AFTPH: variants seen among roughly 807,000 people sequenced by gnomAD.
AFTPH encodes aftiphilin protein.
Under a neutral mutation model 72.5 loss-of-function variants are expected in AFTPH, and 7 were observed. The ratio of observed to expected loss-of-function variants is 0.10; its 90% CI spans 0.05 to 0.18. AFTPH has a LOEUF of 0.18. Among genes scored for constraint, AFTPH ranks in the 10% least tolerant of loss-of-function variants. The pLI is 1.00. For synonymous variants in AFTPH, 337 were observed against 370.1 expected (o/e 0.91, Z 1.03); for missense variants, 979 against 1,060.5 (o/e 0.92, Z 1.07).
intron 8 of AFTPH, among the ~76,000 whole-genome samples, chr2:64,586,942 T>A (rs1458520228): frequency 1.3e-5 from 2 of 152,268 alleles, no homozygotes; most frequent in Non-Finnish European, 2.9e-5. Flanking sequence ...TTCCCCCTGC[T>A]ATTTTTAGGA....
intron 8 of AFTPH, among the ~76,000 whole-genome samples, chr2:64,588,478 C>CT (rs1280245483): frequency 1.3e-5 from 2 of 152,144 alleles, no homozygotes; most frequent in Admixed American, 6.5e-5. Context: ...TATAGGAACT[C>CT]TAACTTCTTT....
chr2:64,591,282 T>C (rs547676869), intron 8 of AFTPH, among the ~76,000 whole-genome samples: 5 of 152,348 alleles, frequency 3.3e-5, no homozygotes, highest in African/African-American at 9.6e-5. Flanking sequence ...GTCCTGCCTG[T>C]GTACGTGCAT....
chr2:64,565,497 T>C (rs58518527), intron 2 of AFTPH, among the ~76,000 whole-genome samples: 13,510 of 140,136 alleles, frequency 0.096, 1,745 homozygotes, highest in African/African-American at 0.29. Context: ...AAAAAAAGCC[T>C]TTGTTCATTC....
chr2:64,582,815 A>T (rs1673289338), intron 7 of AFTPH, among the ~76,000 whole-genome samples: 1 of 152,182 alleles, frequency 6.6e-6, no homozygotes, highest in African/African-American at 2.4e-5. Context: ...TTACATTTCA[A>T]ACTCATTTAA....
intron 6 of AFTPH, among the ~76,000 whole-genome samples, chr2:64,578,390 CAAAAG>C (rs1355639482): frequency 2.6e-5 from 4 of 151,890 alleles, no homozygotes; most frequent in African/African-American, 4.8e-5. Flanking sequence ...ACACCATCCC[CAAAAG>C]AAAAGAAAAA....
intron 1 of AFTPH, among the ~76,000 whole-genome samples, chr2:64,540,046 G>T (rs1156764735): frequency 6.6e-6 from 1 of 152,174 alleles, no homozygotes; most frequent in South Asian, 2.1e-4. Context: ...CAGTTGAGAA[G>T]AAAAACAGAA....
At chr2:64,582,309 G>A (rs1189101994) in intron 7 of AFTPH, among the ~76,000 whole-genome samples, 1 of 152,224 alleles carries the variant, frequency 6.6e-6, no homozygotes, top group African/African-American at 2.4e-5. Context: ...ATGGGCTGTG[G>A]ATGGGGGAGA....
chr2:64,591,038 C>T lies in AFTPH; in HGVS notation c.2580-847C>T, dbSNP rs141930181. Among the ~76,000 whole-genome samples, 969 of 152,288 alleles carry T rather than the reference C, an allele frequency of 6.4e-3. 15 individuals are homozygous for T. The highest frequency in any genetic ancestry group is 0.022 in the African/African-American group (923 of 41,552). ...CTAAAGCGAATAATATGTATAACTA[C>T]TCCTTTAATATATTTAATATCCCAG... is the stretch of plus-strand genomic sequence containing the variant. On this transcript the variant is annotated intron_variant, in intron 8 of 8. Coordinates refer to ENST00000238856, the Ensembl canonical transcript of AFTPH.
chr2:64,572,238 G>T lies in AFTPH; in HGVS notation c.2272-708G>T, dbSNP rs559605395. On this transcript the variant is annotated intron_variant, in intron 5 of 8. Coordinates refer to ENST00000238856, the Ensembl canonical transcript of AFTPH. ...TCTGTCTCAAAAAAAAAAAAAAAAGGTGTATTAGATTTGTAACAAACCCTG... is the reference window on the plus strand; with the variant it reads ...TCTGTCTCAAAAAAAAAAAAAAAAGTTGTATTAGATTTGTAACAAACCCTG... Among the ~76,000 whole-genome samples, 12 of 136,048 alleles carry T rather than the reference G, an allele frequency of 8.8e-5. No homozygotes were observed. The South Asian group carries it at 2.2e-3, about 24-fold the overall frequency. 89.3% of individuals were successfully genotyped at this position (136,048 alleles called of 152,430 possible).
At chr2:64,572,201 C>T (rs111905890) in intron 5 of AFTPH, among the ~76,000 whole-genome samples, 3,261 of 137,822 alleles carry the variant, frequency 0.024, 53 homozygotes, top group Non-Finnish European at 0.035. Context: ...TCCTGGGCAA[C>T]AGGAGCAAAA....
chr2:64,591,077 T>C (rs1288064269), intron 8 of AFTPH, among the ~76,000 whole-genome samples: 2 of 152,252 alleles, frequency 1.3e-5, no homozygotes, highest in African/African-American at 4.8e-5. Flanking sequence ...AAGTTTGAAT[T>C]GCAATCATGT....
chr2:64,527,521 A>G (rs1283695753), intron 1 of AFTPH, among the ~76,000 whole-genome samples: 1 of 151,864 alleles, frequency 6.6e-6, no homozygotes, highest in Non-Finnish European at 1.5e-5. Flanking sequence ...CGGAGGTTGC[A>G]GTGAGCTGAG....
In AFTPH at chr2:64,585,417, A is replaced by AT; in HGVS notation, c.2456-4dup. On this transcript the variant is annotated splice_polypyrimidine_tract_variant and splice_region_variant and intron_variant, in intron 7 of 8. Transcript: ENST00000238856. The stretch of plus-strand genomic sequence containing the variant: ...CCATCACTGACTATCATTTTATACT[A>AT]TAAGGTGTGGATCCGGAGTTGTATG... The AT allele has an allele frequency of 6.2e-7, 1 of 1,613,512 alleles. No homozygotes were observed. The highest frequency in any genetic ancestry group is 2.2e-5 in the East Asian group (1 of 44,868).
chr2:64,534,153 T>A (rs1317285621), intron 1 of AFTPH, among the ~76,000 whole-genome samples: 4 of 152,210 alleles, frequency 2.6e-5, no homozygotes, highest in Non-Finnish European at 5.9e-5. Context: ...TCTCTCATCT[T>A]GTTTATTATG....
chr2:64,572,478 TTTAG>T (rs1463044721), intron 5 of AFTPH, among the ~76,000 whole-genome samples: 1 of 152,162 alleles, frequency 6.6e-6, no homozygotes, highest in Non-Finnish European at 1.5e-5. Context: ...TTCTTACAAT[TTTAG>T]TGTCATTAGT....
At chr2:64,545,187 TAGTTCTTTGAA>T (rs1670500208) in intron 1 of AFTPH, among the ~76,000 whole-genome samples, 1 of 151,972 alleles carries the variant, frequency 6.6e-6, no homozygotes, top group South Asian at 2.1e-4. Context: ...CCATCACACA[TAGTTCTTTGAA>T]AGTAAGGTAT....
In AFTPH at chr2:64,560,460, T is replaced by C. The variant is rs546877891; in HGVS notation, c.1935+7051T>C. Among the ~76,000 whole-genome samples the C allele has an allele frequency of 2.0e-5, 3 of 152,068 alleles. No homozygotes were observed. In the South Asian group the frequency reaches 6.2e-4, roughly 32 times the overall value. On this transcript the variant is annotated intron_variant, in intron 2 of 8. Transcript: ENST00000238856. ...AATGAATATACAAGAAATGAGAAAATTGGGAAAGAGGGAAAAGCTAAAAAA... is the reference window on the plus strand; with the variant it reads ...AATGAATATACAAGAAATGAGAAAACTGGGAAAGAGGGAAAAGCTAAAAAA...
intron 1 of AFTPH, among the ~76,000 whole-genome samples, chr2:64,533,171 G>C (rs953833829): frequency 4.6e-5 from 7 of 152,112 alleles, no homozygotes; most frequent in Non-Finnish European, 7.4e-5. Flanking sequence ...GCCAAGGTGG[G>C]TGGATTGCTT....
chr2:64,531,220 A>G (rs1669617171), intron 1 of AFTPH, among the ~76,000 whole-genome samples: 1 of 152,166 alleles, frequency 6.6e-6, no homozygotes, highest in Admixed American at 6.5e-5. Context: ...AAGTTTGTAC[A>G]TAATTCTTTG....
Sources: allele counts gnomAD v4.1 joint callset (sites outside exome capture counted in the v4.1 genomes callset), GRCh38; gene constraint gnomAD v4.1.1; transcripts MANE v1.5; gene names NCBI Gene and HGNC (gene_info 2026-07-23, HGNC 2026-07-21).